Variants in RXFP2 observed in about 807,000 individuals in gnomAD.
RXFP2 encodes the protein relaxin receptor 2.
In RXFP2, 68 loss-of-function variants were observed where a neutral mutation model predicts 88.6. The observed-to-expected ratio is 0.77, with a 90% CI of 0.63 to 0.94. RXFP2 has a LOEUF of 0.94. RXFP2 is among the 40% of genes least tolerant of loss of function. The pLI is 0.00. For missense variants in RXFP2, 791 were observed against 893.9 expected (o/e 0.88, Z 1.47); for synonymous variants, 329 against 306.8 (o/e 1.07, Z -0.76).
intron 10 of RXFP2, 31 bp downstream of exon 10, chr13:31,781,773 G>T: frequency 1.3e-6 from 2 of 1,524,514 alleles, no homozygotes; most frequent in Non-Finnish European, 1.8e-6. Flanking sequence ...ACTAAATGAG[G>T]GGAAACCCTA....
chr13:31,760,007 A>G (rs1197954802), intron 2 of RXFP2, among the ~76,000 whole-genome samples: 1 of 152,164 alleles, frequency 6.6e-6, no homozygotes, highest in Non-Finnish European at 1.5e-5. Context: ...TTTCTCTGTT[A>G]TCACAGCACC....
intron 2 of RXFP2, among the ~76,000 whole-genome samples, chr13:31,759,425 GA>G (rs1188747278): frequency 1.9e-4 from 28 of 149,468 alleles, no homozygotes; most frequent in South Asian, 4.3e-4. Flanking sequence ...AAGAAAGAAA[GA>G]AAGAAAGAAA....
At chr13:31,782,501 A>G (rs1307309126) in intron 10 of RXFP2, among the ~76,000 whole-genome samples, 175 bp from the exon 11 acceptor site, 1 of 152,214 alleles carries the variant, frequency 6.6e-6, no homozygotes, top group Non-Finnish European at 1.5e-5. Context: ...TGAAGAGAAC[A>G]TGGGGATGTC....
intron 15 of RXFP2, 58 bp from the exon 16 acceptor site, chr13:31,792,620 A>T (rs1873847889): frequency 6.5e-7 from 1 of 1,540,174 alleles, no homozygotes; most frequent in African/African-American, 1.4e-5. Flanking sequence ...ACTTAATCAG[A>T]AAACTAAAAC....
intron 2 of RXFP2, among the ~76,000 whole-genome samples, 181 bp from the exon 3 acceptor site, chr13:31,761,543 G>GTTTTT (rs1872300807): frequency 6.6e-6 from 1 of 152,160 alleles, no homozygotes; most frequent in Non-Finnish European, 1.5e-5. Flanking sequence ...TATTTTTCAT[G>GTTTTT]TAAAAAAGGG....
intron 1 of RXFP2, among the ~76,000 whole-genome samples, chr13:31,743,708 C>G (rs888587277): frequency 1.3e-5 from 2 of 151,836 alleles, no homozygotes; most frequent in African/African-American, 4.8e-5. Flanking sequence ...CTCAGATGCT[C>G]TCCCGGCCTG....
At chr13:31,767,444 C>G (rs1476657119) in intron 5 of RXFP2, among the ~76,000 whole-genome samples, 1 of 152,138 alleles carries the variant, frequency 6.6e-6, no homozygotes, top group Non-Finnish European at 1.5e-5. Context: ...CAAGAAATCC[C>G]TAAAATCACA....
intron 1 of RXFP2, among the ~76,000 whole-genome samples, chr13:31,753,274 A>C (rs547934784): frequency 4.6e-5 from 7 of 152,220 alleles, no homozygotes; most frequent in Non-Finnish European, 1.0e-4. Flanking sequence ...TAATCCAGGG[A>C]AAGTGTTGAT....
chr13:31,774,647 C>A lies in RXFP2; in HGVS notation c.525C>A (p.His175Gln). The change falls in exon 6 of 18, where the codon CAC becomes CAA. Residue 175 changes from histidine (H) to glutamine (Q), a missense_variant. Transcript: ENST00000298386. ...TTCTTCAGCATAATTGCATTAGACA[C>A]ATATCCAGGAAAGCATTTTTTGGAT... ...KIFLQHNCIR[H>Q]ISRKAFFGLC... is the part of the protein sequence containing the mutation. The A allele has an allele frequency of 6.4e-7, 1 of 1,561,088 alleles. No individual in the cohort carries two copies. The highest frequency in any genetic ancestry group is 8.8e-7 in the Non-Finnish European group (1 of 1,131,858).
intron 1 of RXFP2, among the ~76,000 whole-genome samples, chr13:31,751,424 G>T (rs1292864842): frequency 2.0e-5 from 3 of 152,156 alleles, no homozygotes; most frequent in African/African-American, 2.4e-5. Context: ...GGAAAGACAA[G>T]AGATCTTCAT....
Position 31,744,718 on chromosome 13 carries a change from G to T in RXFP2, c.94+5012G>T, listed in dbSNP as rs1044413939. ...CTATTCAATTGCTAGGTTTGTTTTTGTTTTTTTTTTCAGTGACTATATTTT... is the reference window on the plus strand; with the variant it reads ...CTATTCAATTGCTAGGTTTGTTTTTTTTTTTTTTTTCAGTGACTATATTTT... On this transcript the variant is annotated intron_variant, in intron 1 of 17. Transcript: ENST00000298386. Among the ~76,000 whole-genome samples the T allele has an allele frequency of 3.1e-5, 4 of 129,426 alleles. No individual in the cohort carries two copies. The East Asian group carries it at 9.7e-4, about 31-fold the overall frequency. The allele number at this position is 129,426 out of a possible 152,430, so 84.9% of individuals were successfully genotyped here.
At chr13:31,761,211 C>T (rs1480127982) in intron 2 of RXFP2, among the ~76,000 whole-genome samples, 1 of 152,148 alleles carries the variant, frequency 6.6e-6, no homozygotes, top group African/African-American at 2.4e-5. Context: ...ACCTCAGCCT[C>T]CCAAAGTGCT....
At chr13:31,793,230 C>G in intron 16 of RXFP2, 142 bp downstream of exon 16, 2 of 742,772 alleles carry the variant, frequency 2.7e-6, no homozygotes, top group Non-Finnish European at 2.1e-6. Flanking sequence ...AAAGTTTTTA[C>G]TATTGTGTTT....
At chr13:31,771,661 G>A (rs543163545) in intron 5 of RXFP2, among the ~76,000 whole-genome samples, 14 of 152,012 alleles carry the variant, frequency 9.2e-5, no homozygotes, top group African/African-American at 1.2e-4. Context: ...GCATGGTGGC[G>A]TGCATCTGTA....
chr13:31,760,591 T>C (rs1362676142), intron 2 of RXFP2, among the ~76,000 whole-genome samples: 2 of 152,248 alleles, frequency 1.3e-5, no homozygotes, highest in African/African-American at 4.8e-5. Context: ...AAGCCATGAA[T>C]GTTTACCCCA....
rs1488019461 is a variant in RXFP2, at chr13:31,739,542, T to C, written c.-71T>C. The C allele has an allele frequency of 6.2e-6, 6 of 964,746 alleles. No individual in the cohort carries two copies. Among genetic ancestry groups the C allele is most frequent in the Admixed American group, 1.7e-5 (1 of 57,590 alleles). The allele number at this position is 964,746 out of a possible 1,614,324, so 59.8% of individuals were successfully genotyped here. ...AGCATGCTCAGAACATGGGAGGCAC[T>C]GAACTTACTACATCAGAACTCCTGC... is the stretch of plus-strand genomic sequence containing the variant. On this transcript the variant is annotated 5_prime_UTR_variant, in exon 1 of 18. Transcript: ENST00000298386.
chr13:31,775,350 G>C lies in RXFP2; in HGVS notation c.602G>C (p.Arg201Thr), dbSNP rs1420044662. The C allele has an allele frequency of 1.2e-6, 2 of 1,613,732 alleles. No homozygotes were observed. Among genetic ancestry groups the C allele is most frequent in the Non-Finnish European group, 1.7e-6 (2 of 1,179,758 alleles). Residue 201 changes from arginine (R) to threonine (T), a missense_variant, in exon 7 of 18, where the codon AGA becomes ACA. Transcript: ENST00000298386. ...YLNHNCITTL[R>T]PGIFKDLHQL... ...AACCACAACTGCATCACAACCCTCAGACCTGGAATATTCAAAGACTTACAT... is the reference window on the plus strand; with the variant it reads ...AACCACAACTGCATCACAACCCTCACACCTGGAATATTCAAAGACTTACAT...
intron 1 of RXFP2, among the ~76,000 whole-genome samples, chr13:31,752,930 G>A (rs1196816569): frequency 1.3e-5 from 2 of 152,208 alleles, no homozygotes; most frequent in African/African-American, 4.8e-5. Flanking sequence ...TCCCTCTGGT[G>A]CTGCAGTTAG....
At chr13:31,745,602 G>A (rs1871376567) in intron 1 of RXFP2, among the ~76,000 whole-genome samples, 1 of 152,186 alleles carries the variant, frequency 6.6e-6, no homozygotes, top group South Asian at 2.1e-4. Context: ...TGTTTCTGCA[G>A]TCCCGGCTCC....
Sources: gnomAD v4.1 joint callset for allele counts (sites outside exome capture counted in the v4.1 genomes callset) on GRCh38, gnomAD v4.1.1 for gene constraint, MANE v1.5 for transcripts, NCBI Gene and HGNC (gene_info 2026-07-23, HGNC 2026-07-21) for gene names.